The following CR1L variants were observed in gnomAD, a reference collection of about 807,000 sequenced individuals.
The protein encoded by CR1L is complement component receptor 1-like protein.
Under a neutral mutation model 62.3 loss-of-function variants are expected in CR1L, and 59 were observed. That is an observed-to-expected ratio of 0.95 (90% CI 0.77 to 1.18). The LOEUF (loss-of-function observed/expected upper bound fraction) is 1.18, where lower values mean the gene tolerates loss of function less well. Ranked by LOEUF, CR1L falls within the 50% of genes most tolerant of loss-of-function variation. The probability of loss-of-function intolerance (pLI) is 0.00; values close to 1 mark genes in which losing one functional copy is unlikely to be tolerated. For missense variants in CR1L, 700 were observed against 702.8 expected, an observed-to-expected ratio of 1.00 and a Z score of 0.04; for synonymous variants, 279 against 248.7, an observed-to-expected ratio of 1.12 and a Z score of -1.15.
intron 1 of CR1L, among the ~76,000 whole-genome samples, chr1:207,649,517 C>T (rs1663189609): frequency 6.6e-6 from 1 of 152,150 alleles, no homozygotes. Flanking sequence ...TCCCGAGACA[C>T]AGTAGTAGGC....
rs1212235471 is a variant in CR1L, at chr1:207,670,260, A to C, written c.98-7129A>C. Among the ~76,000 whole-genome samples, 10 of 151,064 alleles carry C rather than the reference A, an allele frequency of 6.6e-5. 1 individual carries two copies. The highest frequency in any genetic ancestry group is 6.6e-4 in the Admixed American group (10 of 15,244). ...TGATTGACAGCATACTTTAAGACAG[A>C]TGCATGCCAGGCACTTGGGGATTAG... On this transcript the variant is annotated intron_variant, in intron 1 of 11. Coordinates refer to ENST00000508064, the MANE Select transcript of CR1L (RefSeq NM_175710.2).
At chr1:207,694,047 A>G (rs1664033425) in intron 4 of CR1L, among the ~76,000 whole-genome samples, 1 of 152,208 alleles carries the variant, frequency 6.6e-6, no homozygotes, top group Non-Finnish European at 1.5e-5. Context: ...ATGCAAATTA[A>G]GAAAGCAAAT....
chr1:207,702,914 A>G (rs1664214469), intron 9 of CR1L, among the ~76,000 whole-genome samples: 1 of 152,156 alleles, frequency 6.6e-6, no homozygotes, highest in Non-Finnish European at 1.5e-5. Flanking sequence ...GAAACCTCAT[A>G]TCTACTGAAA....
chr1:207,650,305 A>G (rs986008651), intron 1 of CR1L, among the ~76,000 whole-genome samples: 17 of 152,230 alleles, frequency 1.1e-4, no homozygotes, highest in Non-Finnish European at 1.9e-4. Flanking sequence ...GGTATGAGCC[A>G]GAGGACAAGC....
chr1:207,668,432 C>T (rs1376915903), intron 1 of CR1L, among the ~76,000 whole-genome samples: 1 of 150,986 alleles, frequency 6.6e-6, no homozygotes, highest in East Asian at 1.9e-4. Flanking sequence ...AAGACAAATC[C>T]TGTATGATAT....
intron 10 of CR1L, among the ~76,000 whole-genome samples, chr1:207,714,115 G>A (rs1653916484): frequency 6.6e-6 from 1 of 152,216 alleles, no homozygotes; most frequent in Non-Finnish European, 1.5e-5. Context: ...GGGTGGAGAA[G>A]AGTTTTATTG....
chr1:207,656,693 G>T (rs1209214586), intron 1 of CR1L, among the ~76,000 whole-genome samples: 2 of 152,074 alleles, frequency 1.3e-5, no homozygotes, highest in Admixed American at 6.5e-5. Flanking sequence ...TGGGGAGGAC[G>T]GGAGGTGTTG....
Position 207,701,630 on chromosome 1 carries a change from G to A in CR1L, c.1328+12G>A, listed in dbSNP as rs1664193845. 1.9e-6 allele frequency: 3 copies of A among 1,613,536 alleles called. No homozygotes were observed. The highest frequency in any genetic ancestry group is 1.3e-5 in the African/African-American group (1 of 75,010). ...TCTTGTACTACAGGGTGAGTTGGCAGCAACATCTCTTGGTTCCAGAGTTCC... is the reference window on the plus strand; with the variant it reads ...TCTTGTACTACAGGGTGAGTTGGCAACAACATCTCTTGGTTCCAGAGTTCC... On this transcript the variant is annotated intron_variant, in intron 9 of 11. Coordinates refer to ENST00000508064, the MANE Select transcript of CR1L (RefSeq NM_175710.2).
At chr1:207,699,352 G>A in intron 8 of CR1L, 78 bp downstream of exon 8, 3 of 1,527,934 alleles carry the variant, frequency 2.0e-6, no homozygotes, top group South Asian at 1.2e-5. Context: ...CTCCCCTAAT[G>A]TGGTTCTTCA....
chr1:207,681,681 C>A (rs1394417749), intron 3 of CR1L, among the ~76,000 whole-genome samples: 1 of 152,148 alleles, frequency 6.6e-6, no homozygotes, highest in African/African-American at 2.4e-5. Flanking sequence ...ACTTGCTTCA[C>A]CATTCCTATC....
intron 10 of CR1L, among the ~76,000 whole-genome samples, chr1:207,711,910 A>AAC (rs1553245822): frequency 3.6e-3 from 549 of 152,120 alleles, no homozygotes; most frequent in African/African-American, 0.012. Context: ...AAAAAAAAAA[A>AAC]ACACAAAAAA....
chr1:207,697,452 G>C (rs1395522960), intron 5 of CR1L, 51 bp from the exon 6 acceptor site: 1 of 1,612,738 alleles, frequency 6.2e-7, no homozygotes, highest in Non-Finnish European at 8.5e-7. Context: ...TTAACAGTGA[G>C]AGAAAAGTTA....
chr1:207,676,504 C>T (rs952033206), intron 1 of CR1L, among the ~76,000 whole-genome samples: 1 of 152,164 alleles, frequency 6.6e-6, no homozygotes, highest in African/African-American at 2.4e-5. Flanking sequence ...CTATGAGAAT[C>T]TAATGCCTGA....
chr1:207,650,708 G>T (rs986061480), intron 1 of CR1L, among the ~76,000 whole-genome samples: 1 of 152,076 alleles, frequency 6.6e-6, no homozygotes, highest in Non-Finnish European at 1.5e-5. Flanking sequence ...CAGGGCTGTG[G>T]GTATGCGTGT....
At chr1:207,663,737 G>C (rs943068606) in intron 1 of CR1L, among the ~76,000 whole-genome samples, 2 of 145,668 alleles carry the variant, frequency 1.4e-5, no homozygotes, top group Non-Finnish European at 3.2e-5. Context: ...GGGAGCTGTA[G>C]ACTGGAGCTG....
chr1:207,655,267 T>A (rs1437449815), intron 1 of CR1L: 8 of 704,262 alleles, frequency 1.1e-5, no homozygotes, highest in Non-Finnish European at 1.9e-5. Context: ...AAGCCCCCAA[T>A]ATGTGAAAGT....
chr1:207,688,615 G>C (rs1273805312), intron 4 of CR1L, among the ~76,000 whole-genome samples: 1 of 151,180 alleles, frequency 6.6e-6, no homozygotes, highest in African/African-American at 2.4e-5. Context: ...TCCACAAAAA[G>C]AATCCTACTT....
chr1:207,653,806 C>T (rs1234737106), intron 1 of CR1L, among the ~76,000 whole-genome samples: 1 of 152,144 alleles, frequency 6.6e-6, no homozygotes, highest in Non-Finnish European at 1.5e-5. Flanking sequence ...ATTGCTATAA[C>T]ACAATACGTG....
At chr1:207,674,884 G>A (rs547164349) in intron 1 of CR1L, among the ~76,000 whole-genome samples, 4 of 151,750 alleles carry the variant, frequency 2.6e-5, no homozygotes, top group Non-Finnish European at 4.4e-5. Context: ...TTATACAGTG[G>A]TTCTCAAAGT....
Sources: allele counts gnomAD v4.1 joint callset (sites outside exome capture counted in the v4.1 genomes callset), GRCh38; gene constraint gnomAD v4.1.1; transcripts MANE v1.5; gene names NCBI Gene and HGNC (gene_info 2026-07-23, HGNC 2026-07-21).